Variants in GFPT2 observed in about 807,000 individuals in gnomAD.
The protein encoded by GFPT2 is glutamine--fructose-6-phosphate aminotransferase [isomerizing] 2.
A neutral mutation model predicts 85.6 loss-of-function variants in GFPT2; 62 were observed. That is an observed-to-expected ratio of 0.72 (90% CI 0.59 to 0.90). The LOEUF (loss-of-function observed/expected upper bound fraction) is 0.90, where lower values mean the gene tolerates loss of function less well. GFPT2 is among the 40% of genes least tolerant of loss of function. GFPT2 has a pLI of 0.00. For missense variants in GFPT2, 788 were observed against 893.4 expected, an observed-to-expected ratio of 0.88 and a Z score of 1.50; for synonymous variants, 368 against 344.5, an observed-to-expected ratio of 1.07 and a Z score of -0.75.
In GFPT2 at chr5:180,315,335, G is replaced by A. The variant is rs1205233134; in HGVS notation, c.1273+1006C>T. Among the ~76,000 whole-genome samples the A allele has an allele frequency of 3.3e-5, 5 of 152,142 alleles. No individual in the cohort carries two copies. The East Asian group carries it at 5.8e-4, about 18-fold the overall frequency. Reference sequence around the variant, plus strand: ...CGGGACTACAGGCGCCCGCCACCACGCCCGGCTAATTGTTTTATATTTTTA... The same window carrying A: ...CGGGACTACAGGCGCCCGCCACCACACCCGGCTAATTGTTTTATATTTTTA... On this transcript the variant is annotated intron_variant, in intron 13 of 18. Transcript: ENST00000253778.
At chr5:180,350,552 C>A (rs1475220694) in intron 1 of GFPT2, among the ~76,000 whole-genome samples, 1 of 152,196 alleles carries the variant, frequency 6.6e-6, no homozygotes, top group Non-Finnish European at 1.5e-5. Context: ...GAGGACCACA[C>A]CCATGAGATC....
chr5:180,311,638 A>G (rs11744256), intron 15 of GFPT2, among the ~76,000 whole-genome samples: 46,822 of 152,064 alleles, frequency 0.31, 7,386 homozygotes, highest in South Asian at 0.39. Flanking sequence ...GTCCAGTGGC[A>G]GCTCTGGCAG....
chr5:180,350,696 C>A (rs1263747784), intron 1 of GFPT2, among the ~76,000 whole-genome samples: 1 of 152,132 alleles, frequency 6.6e-6, no homozygotes, highest in Non-Finnish European at 1.5e-5. Context: ...CAGCAAAATG[C>A]CAGCAACTTT....
rs370642792 is a variant in GFPT2, at chr5:180,336,947, A to G, written c.116-370T>C. Among the ~76,000 whole-genome samples, 6 of 152,390 alleles carry G rather than the reference A, an allele frequency of 3.9e-5. No individual in the cohort carries two copies. In the East Asian group the frequency reaches 9.6e-4, roughly 24 times the overall value. On this transcript the variant is annotated intron_variant, in intron 2 of 18. Transcript: ENST00000253778. Reference sequence around the variant, plus strand: ...ATTGTGATATTTCGTTGGTATCTCCACTGCGTTAGTGTTCCTCCCGTCGTC... The same window carrying G: ...ATTGTGATATTTCGTTGGTATCTCCGCTGCGTTAGTGTTCCTCCCGTCGTC...
At chr5:180,331,464 A>G (rs771196892) in intron 5 of GFPT2, 31 bp downstream of exon 5, 9 of 1,338,134 alleles carry the variant, frequency 6.7e-6, no homozygotes, top group Middle Eastern at 3.6e-4. Flanking sequence ...ATCCCACCGG[A>G]CTGAGACATC....
chr5:180,316,284 G>A (rs1764007542), intron 13 of GFPT2, 57 bp downstream of exon 13: 5 of 1,585,436 alleles, frequency 3.2e-6, no homozygotes, highest in Non-Finnish European at 4.3e-6. Context: ...AAGGAGAAGA[G>A]GAGAGAGCCC....
At chr5:180,345,691 C>A (rs1384362478) in intron 1 of GFPT2, among the ~76,000 whole-genome samples, 1 of 152,214 alleles carries the variant, frequency 6.6e-6, no homozygotes, top group Non-Finnish European at 1.5e-5. Flanking sequence ...GTCCCCAGCA[C>A]CTGGCCCAGG....
chr5:180,336,588 G>A lies in GFPT2; in HGVS notation c.116-11C>T. Reference sequence around the variant, plus strand: ...CATCGATCGCCACACCTGTGATGTAGACAGCATTTGTTATATTGCAACCAA... The same window carrying A: ...CATCGATCGCCACACCTGTGATGTAAACAGCATTTGTTATATTGCAACCAA... On this transcript the variant is annotated splice_polypyrimidine_tract_variant and intron_variant, in intron 2 of 18. Transcript: ENST00000253778. 6.4e-7 allele frequency: 1 copy of A among 1,550,944 alleles called. No homozygotes were observed. Among genetic ancestry groups the A allele is most frequent in the Non-Finnish European group, 8.9e-7 (1 of 1,122,300 alleles).
At chr5:180,313,529 G>A (rs1428537193) in intron 14 of GFPT2, among the ~76,000 whole-genome samples, 5 of 151,658 alleles carry the variant, frequency 3.3e-5, no homozygotes, top group East Asian at 2.0e-4. Flanking sequence ...GGCGGAGCTT[G>A]CAGTGAGCCG....
In GFPT2 at chr5:180,316,737, T is replaced by C. The variant is rs529319834; in HGVS notation, c.1152+27A>G. The C allele has an allele frequency of 9.5e-5, 145 of 1,518,566 alleles. No homozygotes were observed. The South Asian group carries it at 1.5e-3, about 16-fold the overall frequency. 94.1% of individuals were successfully genotyped at this position (1,518,566 alleles called of 1,614,324 possible). On this transcript the variant is annotated intron_variant, in intron 12 of 18. Transcript: ENST00000253778. ...TGTCTGGTCCTAGACTGCCGTCGAC[T>C]TCCCCACGCACATGTGTCACACTTA...
At chr5:180,331,446 G>C (rs1407996722) in intron 5 of GFPT2, 49 bp downstream of exon 5, 1 of 1,105,664 alleles carries the variant, frequency 9.0e-7, no homozygotes, top group Non-Finnish European at 1.4e-6. Flanking sequence ...AAGTTTCTGG[G>C]GAGACCAATC....
intron 1 of GFPT2, among the ~76,000 whole-genome samples, chr5:180,344,678 T>A (rs1280071084): frequency 6.6e-6 from 1 of 152,146 alleles, no homozygotes; most frequent in South Asian, 2.1e-4. Flanking sequence ...CTGGTTCTGC[T>A]TTCCACCGGT....
chr5:180,335,998 T>A lies in GFPT2; in HGVS notation c.215-45A>T, dbSNP rs755157019. 1.2e-5 allele frequency: 18 copies of A among 1,536,982 alleles called. No homozygotes were observed. The South Asian group carries it at 2.0e-4, about 17-fold the overall frequency. On this transcript the variant is annotated intron_variant, in intron 3 of 18. Coordinates refer to ENST00000253778, the MANE Select transcript of GFPT2 (RefSeq NM_005110.4). ...GTTTGCCGCACTTGAACAACAAGCC[T>A]CGACCCAGGACTGTGAGTGCAACCT...
At position 180,352,166 on chromosome 5, in the gene GFPT2, G is replaced by A. The variant is rs188560342; in HGVS notation, c.7+1045C>T. Reference sequence around the variant, plus strand: ...CCGCCGTAGGTCGTTCCCTTCTGCCGAGCAGCTGGCCTCCGAGACAAGAGG... The same window carrying A: ...CCGCCGTAGGTCGTTCCCTTCTGCCAAGCAGCTGGCCTCCGAGACAAGAGG... On this transcript the variant is annotated intron_variant, in intron 1 of 18. Transcript: ENST00000253778. Among the ~76,000 whole-genome samples the A allele has an allele frequency of 2.0e-5, 3 of 152,092 alleles. No homozygotes were observed. In the East Asian group the frequency reaches 5.8e-4, roughly 30 times the overall value.
Position 180,301,215 on chromosome 5 carries a change from C to T in GFPT2, c.*349G>A, listed in dbSNP as rs542632245. On this transcript the variant is annotated 3_prime_UTR_variant, in exon 19 of 19. Coordinates refer to ENST00000253778, the MANE Select transcript of GFPT2 (RefSeq NM_005110.4). Reference sequence around the variant, plus strand: ...AAAAATAACTTAAAAGCTATACAGTCGTCATTATAAATATCTTGTCTTTTA... The same window carrying T: ...AAAAATAACTTAAAAGCTATACAGTTGTCATTATAAATATCTTGTCTTTTA... The T allele has an allele frequency of 2.6e-3, 878 of 333,318 alleles. 3 individuals carry two copies. Among genetic ancestry groups the T allele is most frequent in the South Asian group, 6.3e-3 (74 of 11,688 alleles). 20.6% of individuals were successfully genotyped at this position (333,318 alleles called of 1,614,324 possible). A position where few individuals can be genotyped will look rare whatever the true frequency, so the allele number is the denominator to read the frequency against.
Position 180,330,357 on chromosome 5 carries a change from TACC to T in GFPT2, c.534+340_534+342del, listed in dbSNP as rs897039452. Among the ~76,000 whole-genome samples, 41 of 152,114 alleles carry T rather than the reference TACC, an allele frequency of 2.7e-4. No individual in the cohort carries two copies. The highest frequency in any genetic ancestry group is 9.7e-4 in the African/African-American group (40 of 41,418). On this transcript the variant is annotated intron_variant, in intron 6 of 18. Transcript: ENST00000253778. This position sits in a 1 kb window ranked among gnomAD's most constrained non-coding sequence, Gnocchi z 4.4. ...AACCTAGAAACACATCCTCGCTTGGTACCACAACTCTCTCTGCACACCACCACC... is the reference window on the plus strand; with the variant it reads ...AACCTAGAAACACATCCTCGCTTGGTACAACTCTCTCTGCACACCACCACC...
intron 7 of GFPT2, among the ~76,000 whole-genome samples, chr5:180,325,732 T>G (rs996001811): frequency 3.9e-5 from 6 of 152,224 alleles, no homozygotes; most frequent in Non-Finnish European, 8.8e-5. Context: ...GTGATGAAGA[T>G]CTCATGATTT....
rs759779198 is a variant in GFPT2 at position 180,318,891 on chromosome 5, T to G, written c.860A>C (p.Asp287Ala). 1 of 1,613,922 alleles carries G rather than the reference T, an allele frequency of 6.2e-7. No individual in the cohort carries two copies. Among genetic ancestry groups the G allele is most frequent in the Non-Finnish European group, 8.5e-7 (1 of 1,179,984 alleles). Reference sequence around the variant, plus strand: ...GACCCGGTGAATGGAGAGTTTCCCATCAGCCACTGCGGCGATGTCATCGTC... The same window carrying G: ...GACCCGGTGAATGGAGAGTTTCCCAGCAGCCACTGCGGCGATGTCATCGTC... ...LEDDDIAAVA[D>A]GKLSIHRVKR... Residue 287 changes from aspartate (D) to alanine (A), a missense_variant, in exon 10 of 19, where the codon GAT becomes GCT. By Grantham distance (126) the Asp-to-Ala change is moderately radical. Coordinates refer to ENST00000253778, the MANE Select transcript of GFPT2 (RefSeq NM_005110.4). This position sits in a 1 kb window ranked among gnomAD's most constrained non-coding sequence, Gnocchi z 4.2.
Position 180,328,435 on chromosome 5 carries a change from G to A in GFPT2, c.535-97C>T. Reference sequence around the variant, plus strand: ...GCGTCTCCCTGGGCCCCTCCTGATGGCGGGAGGTCCTGGGGTCCCTCGGGG... The same window carrying A: ...GCGTCTCCCTGGGCCCCTCCTGATGACGGGAGGTCCTGGGGTCCCTCGGGG... On this transcript the variant is annotated intron_variant, in intron 6 of 18. Transcript: ENST00000253778. The surrounding 1 kb of genome is among the most constrained non-coding windows in gnomAD (Gnocchi z 5.4). The A allele has an allele frequency of 1.1e-6, 1 of 945,620 alleles. No individual in the cohort carries two copies. The highest frequency in any genetic ancestry group is 1.3e-5 in the South Asian group (1 of 76,148). The allele number at this position is 945,620 out of a possible 1,614,324, so 58.6% of individuals were successfully genotyped here. A position where few individuals can be genotyped will look rare whatever the true frequency, so the allele number is the denominator to read the frequency against.
Sources: allele counts gnomAD v4.1 joint callset (sites outside exome capture counted in the v4.1 genomes callset), GRCh38; gene constraint gnomAD v4.1.1; non-coding constraint Gnocchi (gnomAD v3.1); transcripts MANE v1.5; gene names NCBI Gene and HGNC (gene_info 2026-07-23, HGNC 2026-07-21).